LARP1: variants seen among roughly 807,000 people sequenced by gnomAD.
The protein encoded by LARP1 is La ribonucleoprotein 1, translational regulator, also known as la-related protein 1.
A neutral mutation model predicts 122.7 loss-of-function variants in LARP1; 36 were observed. That is an observed-to-expected ratio of 0.29 (90% CI 0.22 to 0.39). The LOEUF (loss-of-function observed/expected upper bound fraction) is 0.39. Among genes scored for constraint, LARP1 ranks in the 10% least tolerant of loss-of-function variants. LARP1 has a pLI of 1.00. For missense variants in LARP1, 1,040 were observed against 1,403.6 expected, an observed-to-expected ratio of 0.74 and a Z score of 4.14; for synonymous variants, 539 against 528.7, an observed-to-expected ratio of 1.02 and a Z score of -0.27.
rs936360206 is a variant in LARP1 at position 154,701,917 on chromosome 5, G to A, written c.-180+18880G>A. 7.2e-5 allele frequency among the ~76,000 whole-genome samples: 11 copies of A among 151,986 alleles called. No individual in the cohort carries two copies. The East Asian group carries it at 9.7e-4, about 13-fold the overall frequency. On this transcript the variant is annotated intron_variant, in intron 1 of 18. Coordinates refer to the LARP1 transcript ENST00000687700. ...ATTACAGGTGTGAGTCACTGCACCC[G>A]GCCAAACTTTCTCTTTTATCTGTAG...
intron 1 of LARP1, among the ~76,000 whole-genome samples, chr5:154,692,560 AC>A (rs1295610116): frequency 6.6e-6 from 1 of 151,882 alleles, no homozygotes; most frequent in East Asian, 1.9e-4. Context: ...TCTCTTCCCC[AC>A]CCTGTAGGTT....
At chr5:154,691,734 C>T (rs1754222035) in intron 1 of LARP1, among the ~76,000 whole-genome samples, 1 of 152,116 alleles carries the variant, frequency 6.6e-6, no homozygotes, top group Non-Finnish European at 1.5e-5. Flanking sequence ...CTCGGCAGCC[C>T]TCGGTTCATC....
chr5:154,802,528 G>A lies in LARP1; in HGVS notation c.2109+129G>A. 3 of 1,135,170 alleles carry A rather than the reference G, an allele frequency of 2.6e-6. No homozygotes were observed. Among genetic ancestry groups the A allele is most frequent in the African/African-American group, 1.6e-5 (1 of 64,144 alleles). 70.3% of individuals were successfully genotyped at this position (1,135,170 alleles called of 1,614,324 possible). ...TCAGAGTCTCAGGATTTTTATATAT[G>A]GGAAGGGGATGATGACTGACATCTA... On this transcript the variant is annotated intron_variant, in intron 11 of 18. Coordinates refer to ENST00000518297, the MANE Select transcript of LARP1 (RefSeq NM_033551.3). The surrounding 1 kb of genome is among the most constrained non-coding windows in gnomAD (Gnocchi z 5.1).
In LARP1 at chr5:154,746,185, T is replaced by C. The variant is rs543602968; in HGVS notation, c.205+33055T>C. Among the ~76,000 whole-genome samples, 3 of 152,212 alleles carry C rather than the reference T, an allele frequency of 2.0e-5. No homozygotes were observed. The East Asian group carries it at 5.8e-4, about 29-fold the overall frequency. On this transcript the variant is annotated intron_variant, in intron 1 of 18. Transcript: ENST00000336314. ...GGCAAATGGTCTGAGAAGAGAACAA[T>C]GTGCTAGTGTAGGGAGTTTTGTTCC...
chr5:154,770,397 C>G (rs1582352891), intron 1 of LARP1, among the ~76,000 whole-genome samples: 1 of 152,102 alleles, frequency 6.6e-6, no homozygotes, highest in Non-Finnish European at 1.5e-5. Context: ...CAGGCATTTT[C>G]CCCCTGGTTT....
At chr5:154,793,423 C>T (rs1015232399) in intron 4 of LARP1, among the ~76,000 whole-genome samples, 172 bp from the exon 5 acceptor site, 2 of 152,130 alleles carry the variant, frequency 1.3e-5, no homozygotes, top group African/African-American at 2.4e-5. Flanking sequence ...GGCCACTGAC[C>T]AGCTTATTTT....
At chr5:154,763,773 A>T (rs1470378295) in intron 1 of LARP1, among the ~76,000 whole-genome samples, 2 of 152,026 alleles carry the variant, frequency 1.3e-5, no homozygotes, top group Admixed American at 1.3e-4. Context: ...TGGGAGGCCA[A>T]GGTGGGCAGA....
chr5:154,789,018 C>T (rs868015205), intron 1 of LARP1, among the ~76,000 whole-genome samples: 1 of 151,802 alleles, frequency 6.6e-6, no homozygotes, highest in Non-Finnish European at 1.5e-5. Context: ...TTGACACCAG[C>T]CTGGCCAACA....
At chr5:154,697,617 G>A (rs1304804518) in intron 1 of LARP1, among the ~76,000 whole-genome samples, 1 of 152,096 alleles carries the variant, frequency 6.6e-6, no homozygotes, top group East Asian at 1.9e-4. Context: ...CTATAACGTC[G>A]ATGAACCTTG....
At chr5:154,699,481 C>A (rs149387674) in intron 1 of LARP1, among the ~76,000 whole-genome samples, 5 of 108,714 alleles carry the variant, frequency 4.6e-5, no homozygotes, top group African/African-American at 1.6e-4. Context: ...ATAGCAAGAC[C>A]CCTCTTTCTA....
Position 154,802,510 on chromosome 5 carries a change from C to A in LARP1, c.2109+111C>A. ...TAGGCAGGTCCTTATAATTCAGAGT[C>A]TCAGGATTTTTATATATGGGAAGGG... On this transcript the variant is annotated intron_variant, in intron 11 of 18. Transcript: ENST00000518297. The surrounding 1 kb of genome is among the most constrained non-coding windows in gnomAD (Gnocchi z 5.1). 1.5e-6 allele frequency: 2 copies of A among 1,314,142 alleles called. No homozygotes were observed. Among genetic ancestry groups the A allele is most frequent in the Non-Finnish European group, 2.0e-6 (2 of 984,566 alleles). The allele number at this position is 1,314,142 out of a possible 1,614,324, so 81.4% of individuals were successfully genotyped here. A position where few individuals can be genotyped will look rare whatever the true frequency, so the allele number is the denominator to read the frequency against.
chr5:154,684,851 G>A (rs906334789), intron 1 of LARP1, among the ~76,000 whole-genome samples: 1 of 152,192 alleles, frequency 6.6e-6, no homozygotes, highest in Non-Finnish European at 1.5e-5. Flanking sequence ...TGTAAAGATA[G>A]TTTCTACCAT....
intron 1 of LARP1, among the ~76,000 whole-genome samples, chr5:154,700,370 C>CT (rs2113243410): frequency 6.6e-6 from 1 of 151,806 alleles, no homozygotes; most frequent in Non-Finnish European, 1.5e-5. Flanking sequence ...TAATTTTCAT[C>CT]TTATAAAATA....
chr5:154,730,184 C>CATT (rs199850410), intron 1 of LARP1, among the ~76,000 whole-genome samples: 1,649 of 152,166 alleles, frequency 0.011, 17 homozygotes, highest in Middle Eastern at 0.034. Flanking sequence ...TCCAAAGAAA[C>CATT]ATTATTATTA....
chr5:154,690,201 T>G (rs1056313150), intron 1 of LARP1, among the ~76,000 whole-genome samples: 6 of 152,082 alleles, frequency 3.9e-5, no homozygotes, highest in Admixed American at 3.3e-4. Flanking sequence ...CCTACCCCAT[T>G]GCAGTTAGAC....
At chr5:154,739,932 C>T (rs1290432911) in intron 1 of LARP1, among the ~76,000 whole-genome samples, 1 of 152,038 alleles carries the variant, frequency 6.6e-6, no homozygotes, top group East Asian at 1.9e-4. Context: ...GGTGTGGTGG[C>T]TCATGCCTGT....
At position 154,803,656 on chromosome 5, in the gene LARP1, C is replaced by T. The variant is rs750557144; in HGVS notation, c.2350C>T (p.Arg784Cys). The T allele has an allele frequency of 1.6e-5, 26 of 1,614,208 alleles. No individual in the cohort carries two copies. The highest frequency in any genetic ancestry group is 5.5e-5 in the South Asian group (5 of 91,078). The change falls in exon 13 of 19, where the codon CGC becomes TGC. Residue 784 changes from arginine (R) to cysteine (C), a missense_variant. This residue lies in a region of LARP1 where 362 missense variants were observed against 533.1 expected (regional missense o/e 0.68). Coordinates refer to ENST00000518297, the MANE Select transcript of LARP1 (RefSeq NM_033551.3). This position sits in a 1 kb window ranked among gnomAD's most constrained non-coding sequence, Gnocchi z 4.4. ...AAACTACCGCAACACCAGGACCCCT[C>T]GCACTCCCCGGACACCACAGCTCAA... ...SPNYRNTRTP[R>C]TPRTPQLKDS...
At chr5:154,699,492 C>CA (rs34380813) in intron 1 of LARP1, among the ~76,000 whole-genome samples, 1,949 of 147,120 alleles carry the variant, frequency 0.013, 40 homozygotes, top group African/African-American at 0.04. Context: ...CCTCTTTCTA[C>CA]AAAAAAAAAA....
chr5:154,795,836 T>A (rs970778367), intron 8 of LARP1, among the ~76,000 whole-genome samples: 6 of 134,878 alleles, frequency 4.4e-5, no homozygotes, highest in African/African-American at 1.1e-4. Context: ...TATATATATT[T>A]TATATATATT....
Sources: gnomAD v4.1 joint callset for allele counts (sites outside exome capture counted in the v4.1 genomes callset) on GRCh38, gnomAD v4.1.1 for gene constraint, gnomAD v4.1.1 regional missense constraint, Gnocchi (gnomAD v3.1) non-coding constraint, MANE v1.5 for transcripts, NCBI Gene and HGNC (gene_info 2026-07-23, HGNC 2026-07-21) for gene names.